RBP7: variants seen among roughly 807,000 people sequenced by gnomAD.
RBP7 encodes retinol binding protein 7, also known as retinoid-binding protein 7.
RBP7 carries 13 observed loss-of-function variants against 16.7 expected under a neutral mutation model. That is an observed-to-expected ratio of 0.78 (90% CI 0.51 to 1.24). RBP7 has a LOEUF of 1.24. RBP7 is among the 50% of genes most tolerant of loss of function. The probability of loss-of-function intolerance (pLI) is 0.00; values close to 1 mark genes in which losing one functional copy is unlikely to be tolerated. For synonymous variants in RBP7, 54 were observed against 56.2 expected, an observed-to-expected ratio of 0.96 and a Z score of 0.17; for missense variants, 145 against 159.5, an observed-to-expected ratio of 0.91 and a Z score of 0.49.
At chr1:10,010,767 A>G (rs1221677600) in intron 3 of RBP7, among the ~76,000 whole-genome samples, 2 of 151,278 alleles carry the variant, frequency 1.3e-5, no homozygotes, top group Non-Finnish European at 2.9e-5. Context: ...TATTTTCAGT[A>G]GAGACGGGGT....
chr1:10,012,626 TAAA>T (rs144903026), intron 3 of RBP7, among the ~76,000 whole-genome samples: 4 of 137,804 alleles, frequency 2.9e-5, no homozygotes, highest in African/African-American at 1.1e-4. Context: ...AGCCTGTCTT[TAAA>T]AAAAAAAAAA....
chr1:10,013,640 C>G (rs1642689586), intron 3 of RBP7, among the ~76,000 whole-genome samples: 1 of 151,920 alleles, frequency 6.6e-6, no homozygotes, highest in Non-Finnish European at 1.5e-5. Flanking sequence ...GAAATGCTGT[C>G]TCTACTAAAA....
At chr1:10,005,276 A>T (rs913819062) in intron 1 of RBP7, among the ~76,000 whole-genome samples, 2 of 152,008 alleles carry the variant, frequency 1.3e-5, no homozygotes, top group Non-Finnish European at 2.9e-5. Context: ...CAGTGGCTCG[A>T]CCTCAGCTCA....
intron 3 of RBP7, among the ~76,000 whole-genome samples, chr1:10,015,370 C>G (rs762197659): frequency 6.6e-6 from 1 of 150,648 alleles, no homozygotes; most frequent in Admixed American, 6.6e-5. Context: ...AAGGCAATTC[C>G]GCTTAAAGGC....
In RBP7 at chr1:9,997,418, C is replaced by T. The variant is rs1300480362; in HGVS notation, c.73+87C>T. 55 of 1,308,184 alleles carry T rather than the reference C, an allele frequency of 4.2e-5. No homozygotes were observed. The South Asian group carries it at 5.1e-4, about 12-fold the overall frequency. 81.0% of individuals were successfully genotyped at this position (1,308,184 alleles called of 1,614,324 possible). On this transcript the variant is annotated intron_variant, in intron 1 of 3. Transcript: ENST00000294435. This position sits in a 1 kb window ranked among gnomAD's most constrained non-coding sequence, Gnocchi z 5.9. ...GGCGGCCGGGCCGGGCCTGTAGGTA[C>T]GTCCTCTGTCCGTGCCTCCGCCCTG...
Position 10,016,015 on chromosome 1 carries a change from A to G in RBP7, c.*183A>G, listed in dbSNP as rs1404553817. 3 of 588,250 alleles carry G rather than the reference A, an allele frequency of 5.1e-6. No homozygotes were observed. Among genetic ancestry groups the G allele is most frequent in the East Asian group, 5.7e-5 (2 of 35,188 alleles). The allele number at this position is 588,250 out of a possible 1,614,324, so 36.4% of individuals were successfully genotyped here. ...CTGCTCAGCTTCAATAAACCTGTCC[A>G]AATGACTCTGAAGTTTTTCCTTTCC... On this transcript the variant is annotated 3_prime_UTR_variant, in exon 4 of 4. Transcript: ENST00000294435.
chr1:10,008,468 G>A (rs967277031), intron 3 of RBP7, among the ~76,000 whole-genome samples, 194 bp downstream of exon 3: 2 of 145,856 alleles, frequency 1.4e-5, no homozygotes, highest in African/African-American at 5.2e-5. Flanking sequence ...TTGAGATGGA[G>A]TATCGCTGTG....
chr1:9,998,407 C>CTT (rs772810621), intron 1 of RBP7, among the ~76,000 whole-genome samples: 6,106 of 121,612 alleles, frequency 0.05, 317 homozygotes, highest in South Asian at 0.099. Flanking sequence ...TTCTTTCTTT[C>CTT]TTTTTTTTTT....
rs993919214 is a variant in RBP7, at chr1:9,997,904, C to T, written c.73+573C>T. Among the ~76,000 whole-genome samples, 2 of 152,110 alleles carry T rather than the reference C, an allele frequency of 1.3e-5. No individual in the cohort carries two copies. Among genetic ancestry groups the T allele is most frequent in the South Asian group, 2.1e-4 (1 of 4,836 alleles). On this transcript the variant is annotated intron_variant, in intron 1 of 3. Coordinates refer to ENST00000294435, the MANE Select transcript of RBP7 (RefSeq NM_052960.3). This position sits in a 1 kb window ranked among gnomAD's most constrained non-coding sequence, Gnocchi z 5.9. ...GAGCCAGCGGACGACCCTTCAGGTC[C>T]GGGCACCCGCGGGAGTGCAGAGCCT...
intron 3 of RBP7, among the ~76,000 whole-genome samples, chr1:10,013,430 C>G (rs1414440072): frequency 6.6e-6 from 1 of 151,868 alleles, no homozygotes; most frequent in Non-Finnish European, 1.5e-5. Context: ...TTCCGTAATC[C>G]CAGCACTTTG....
chr1:10,009,721 G>A (rs1283996812), intron 3 of RBP7, among the ~76,000 whole-genome samples: 2 of 149,978 alleles, frequency 1.3e-5, no homozygotes, highest in East Asian at 2.1e-4. Flanking sequence ...TAGCAGAAAC[G>A]GGATTTTACC....
chr1:10,001,766 C>T (rs1642284007), intron 1 of RBP7, among the ~76,000 whole-genome samples: 2 of 152,038 alleles, frequency 1.3e-5, no homozygotes. Flanking sequence ...TAACTTGTCC[C>T]AGATTACTGT....
rs528659527 is a variant in RBP7, at chr1:9,998,471, G to C, written c.73+1140G>C. On this transcript the variant is annotated intron_variant, in intron 1 of 3. Coordinates refer to ENST00000294435, the MANE Select transcript of RBP7 (RefSeq NM_052960.3). ...TGCCCAGGCTGGAGTGCAGTAGTAC[G>C]ATCTCGGCTCACTGCAAGCTCCGCC... Among the ~76,000 whole-genome samples, 10 of 138,800 alleles carry C rather than the reference G, an allele frequency of 7.2e-5. No homozygotes were observed. In the Admixed American group the frequency reaches 7.7e-4, roughly 11 times the overall value. The allele number at this position is 138,800 out of a possible 152,430, so 91.1% of individuals were successfully genotyped here. A position where few individuals can be genotyped will look rare whatever the true frequency, so the allele number is the denominator to read the frequency against.
intron 1 of RBP7, chr1:10,006,972 A>T (rs767253415): frequency 6.9e-5 from 30 of 435,316 alleles, no homozygotes; most frequent in Non-Finnish European, 1.3e-4. Context: ...TTTGAGATGG[A>T]GTCTCGCTCT....
intron 3 of RBP7, among the ~76,000 whole-genome samples, chr1:10,009,730 C>T (rs1328156143): frequency 6.7e-6 from 1 of 149,838 alleles, no homozygotes; most frequent in Non-Finnish European, 1.5e-5. Context: ...CGGGATTTTA[C>T]CATATTGGCC....
chr1:10,013,218 G>A (rs1255927498), intron 3 of RBP7, among the ~76,000 whole-genome samples: 6 of 151,370 alleles, frequency 4.0e-5, no homozygotes, highest in East Asian at 4.0e-4. Flanking sequence ...GATTACAGGC[G>A]CCCGCTACCA....
chr1:10,005,833 G>A (rs1299707368), intron 1 of RBP7, among the ~76,000 whole-genome samples: 1 of 152,080 alleles, frequency 6.6e-6, no homozygotes, highest in African/African-American at 2.4e-5. Context: ...AAAGTGCTGG[G>A]ATTACAGGCA....
chr1:9,997,253 C>G lies in RBP7; in HGVS notation c.-6C>G, dbSNP rs1284561773. ...GCCCGCCGGGTTTGTCCCGCGATCC[C>G]CGACCATGCCCGCCGACCTCAGCGG... On this transcript the variant is annotated 5_prime_UTR_variant, in exon 1 of 4. Coordinates refer to ENST00000294435, the MANE Select transcript of RBP7 (RefSeq NM_052960.3). The surrounding 1 kb of genome is among the most constrained non-coding windows in gnomAD (Gnocchi z 5.9). The G allele has an allele frequency of 6.2e-7, 1 of 1,609,260 alleles. No homozygotes were observed. The highest frequency in any genetic ancestry group is 8.5e-7 in the Non-Finnish European group (1 of 1,178,610).
intron 3 of RBP7, among the ~76,000 whole-genome samples, chr1:10,010,184 C>T (rs1176594376): frequency 6.6e-6 from 1 of 152,100 alleles, no homozygotes; most frequent in African/African-American, 2.4e-5. Flanking sequence ...GGCATGATCT[C>T]AGCTCGCTGC....
Sources: gnomAD v4.1 joint callset for allele counts (sites outside exome capture counted in the v4.1 genomes callset) on GRCh38, gnomAD v4.1.1 for gene constraint, Gnocchi (gnomAD v3.1) non-coding constraint, MANE v1.5 for transcripts, NCBI Gene and HGNC (gene_info 2026-07-23, HGNC 2026-07-21) for gene names.